ATE1: variants seen among roughly 807,000 people sequenced by gnomAD.
The protein encoded by ATE1 is arginyl-tRNA--protein transferase 1.
A neutral mutation model predicts 70.5 loss-of-function variants in ATE1; 36 were observed. The ratio of observed to expected loss-of-function variants is 0.51; its 90% CI spans 0.39 to 0.67. The LOEUF (loss-of-function observed/expected upper bound fraction) is 0.67, where lower values mean the gene tolerates loss of function less well. ATE1 is among the 30% of genes least tolerant of loss of function. The pLI is 0.00. For missense variants in ATE1, 593 were observed against 629.5 expected, an observed-to-expected ratio of 0.94 and a Z score of 0.62; for synonymous variants, 232 against 219.3, an observed-to-expected ratio of 1.06 and a Z score of -0.51.
At chr10:121,853,825 A>T (rs960392260) in intron 8 of ATE1, among the ~76,000 whole-genome samples, 1 of 152,198 alleles carries the variant, frequency 6.6e-6, no homozygotes, top group Non-Finnish European at 1.5e-5. Flanking sequence ...GTACAAATTC[A>T]AGGCACCAAC....
At chr10:121,753,531 G>A (rs1226827889) in intron 11 of ATE1, among the ~76,000 whole-genome samples, 4 of 152,136 alleles carry the variant, frequency 2.6e-5, no homozygotes, top group Non-Finnish European at 4.4e-5. Context: ...AAGGTCACCA[G>A]AGAAAAGCAG....
Position 121,836,809 on chromosome 10 carries a change from G to A in ATE1, c.1166C>T (p.Ala389Val), listed in dbSNP as rs1461114860. Residue 389 changes from alanine to valine, a missense_variant, in exon 10 of 12, where the codon GCT becomes GTT. Coordinates refer to ENST00000224652, the MANE Select transcript of ATE1 (RefSeq NM_001001976.3). ...TTTCTCATGAAGCTGCCTAGTAAAA[G>A]CAATTTCTCTGCGAAAAGAAAAAGA... The part of the protein sequence containing the change: ...LGVYSALREI[A>V]FTRQLHEKTS... 1 of 1,596,762 alleles carries A rather than the reference G, an allele frequency of 6.3e-7. No individual in the cohort carries two copies.
chr10:121,840,672 A>G (rs1948595503), intron 9 of ATE1, among the ~76,000 whole-genome samples: 1 of 151,938 alleles, frequency 6.6e-6, no homozygotes, highest in Admixed American at 6.6e-5. Context: ...AGTTCTAAAG[A>G]TAGTACCTTA....
Position 121,843,353 on chromosome 10 carries a change from TCA to T in ATE1, c.976-2092_976-2091del, listed in dbSNP as rs761184319. Among the ~76,000 whole-genome samples the T allele has an allele frequency of 3.3e-5, 5 of 152,222 alleles. No homozygotes were observed. In the East Asian group the frequency reaches 5.8e-4, roughly 18 times the overall value. On this transcript the variant is annotated intron_variant, in intron 8 of 11. Coordinates refer to ENST00000224652, the MANE Select transcript of ATE1 (RefSeq NM_001001976.3). ...ATTAGAAGACAATATTGTCATGATC[TCA>T]GTTTTTCCTAAGTTGATATATACAT... is the stretch of plus-strand genomic sequence containing the variant.
chr10:121,914,025 G>C, intron 3 of ATE1, 132 bp from the exon 4 acceptor site: 1 of 617,180 alleles, frequency 1.6e-6, no homozygotes, highest in Non-Finnish European at 2.7e-6. Flanking sequence ...GCTTAATGTA[G>C]CCTCTAATCC....
chr10:121,857,996 A>G (rs1209872972), intron 8 of ATE1, among the ~76,000 whole-genome samples: 1 of 152,196 alleles, frequency 6.6e-6, no homozygotes, highest in Non-Finnish European at 1.5e-5. Flanking sequence ...GTAAAGGTTC[A>G]TTCACCATGT....
In ATE1 at chr10:121,741,799, C is replaced by G. The variant is rs1012119382; in HGVS notation, c.*1881G>C. ...TGAGGAAATAAAACAGCATGTAGAA[C>G]ATAATTCTATTTATATTAAAATTAC... On this transcript the variant is annotated 3_prime_UTR_variant, in exon 12 of 12. Coordinates refer to ENST00000224652, the MANE Select transcript of ATE1 (RefSeq NM_001001976.3). The G allele has an allele frequency of 1.3e-5, 2 of 152,158 alleles. No homozygotes were observed. Among genetic ancestry groups the G allele is most frequent in the African/African-American group, 4.8e-5 (2 of 41,432 alleles). 9.4% of individuals were successfully genotyped at this position (152,158 alleles called of 1,614,324 possible).
chr10:121,795,350 A>G (rs1016242351), intron 10 of ATE1, among the ~76,000 whole-genome samples: 1 of 152,244 alleles, frequency 6.6e-6, no homozygotes, highest in Non-Finnish European at 1.5e-5. Context: ...GAACAAAAAG[A>G]TGAACAAATG....
intron 8 of ATE1, among the ~76,000 whole-genome samples, chr10:121,853,257 G>A (rs972708165): frequency 6.6e-6 from 1 of 151,532 alleles, no homozygotes; most frequent in Non-Finnish European, 1.5e-5. Flanking sequence ...CCACCTACTC[G>A]GGAGGCTGAG....
chr10:121,864,110 T>A (rs1321788307), intron 8 of ATE1, among the ~76,000 whole-genome samples: 1 of 152,178 alleles, frequency 6.6e-6, no homozygotes, highest in Non-Finnish European at 1.5e-5. Flanking sequence ...AACTAAAATT[T>A]AAAAAATTTA....
At chr10:121,870,123 C>T (rs1297313491) in intron 7 of ATE1, 85 bp from the exon 8 acceptor site, 5 of 1,313,916 alleles carry the variant, frequency 3.8e-6, no homozygotes, top group South Asian at 3.8e-5. Context: ...AATTATTATA[C>T]AATTTTCCAG....
chr10:121,817,281 C>T (rs1165211824), intron 10 of ATE1, among the ~76,000 whole-genome samples: 1 of 152,210 alleles, frequency 6.6e-6, no homozygotes, highest in East Asian at 1.9e-4. Flanking sequence ...CGGCTCACGC[C>T]TGTAATCCCA....
At chr10:121,805,528 A>C (rs1177137674) in intron 10 of ATE1, among the ~76,000 whole-genome samples, 1 of 152,200 alleles carries the variant, frequency 6.6e-6, no homozygotes, top group African/African-American at 2.4e-5. Flanking sequence ...ACATACAATA[A>C]AGCATAAAAT....
chr10:121,830,932 T>C (rs1033407926), intron 10 of ATE1, among the ~76,000 whole-genome samples: 5 of 152,184 alleles, frequency 3.3e-5, no homozygotes, highest in East Asian at 1.9e-4. Flanking sequence ...GAGTCCCAGA[T>C]TGTCTTTCTC....
At position 121,910,919 on chromosome 10, in the gene ATE1, T is replaced by C. The variant is rs749576049; in HGVS notation, c.570A>G (p.Thr190=). The change falls in exon 5 of 12, where the codon ACA becomes ACG. Residue 190 remains threonine, a synonymous_variant. Transcript: ENST00000224652. ...AATCTTTACTACCTGGCTTAGGAAC[T>C]GTGTGAACTTTAACTGAATGTGACG... The part of the protein sequence containing the change: ...GEPSHSVKVH[T]VPKPGKGADL... 1.2e-6 allele frequency: 2 copies of C among 1,613,170 alleles called. No individual in the cohort carries two copies. The highest frequency in any genetic ancestry group is 4.5e-5 in the East Asian group (2 of 44,874).
intron 11 of ATE1, among the ~76,000 whole-genome samples, chr10:121,763,417 C>G (rs1422316293): frequency 6.6e-6 from 1 of 151,998 alleles, no homozygotes; most frequent in African/African-American, 2.4e-5. Context: ...GAATATTACG[C>G]AGCAATAAAA....
intron 11 of ATE1, among the ~76,000 whole-genome samples, chr10:121,759,558 C>A (rs1409095157): frequency 6.6e-6 from 1 of 151,948 alleles, no homozygotes; most frequent in Non-Finnish European, 1.5e-5. Context: ...CCTGTCTCTA[C>A]TAAAAATACA....
chr10:121,904,680 T>G (rs1951122093), intron 5 of ATE1, among the ~76,000 whole-genome samples: 2 of 131,882 alleles, frequency 1.5e-5, no homozygotes, highest in South Asian at 4.9e-4. Flanking sequence ...AACAGGGTAC[T>G]CACAAACCAT....
intron 11 of ATE1, among the ~76,000 whole-genome samples, chr10:121,776,612 G>A (rs1263184235): frequency 6.6e-6 from 1 of 152,218 alleles, no homozygotes; most frequent in Non-Finnish European, 1.5e-5. Flanking sequence ...CATGTAATGG[G>A]TTGTGACCAG....
Sources: allele counts gnomAD v4.1 joint callset (sites outside exome capture counted in the v4.1 genomes callset), GRCh38; gene constraint gnomAD v4.1.1; transcripts MANE v1.5; gene names NCBI Gene and HGNC (gene_info 2026-07-23, HGNC 2026-07-21).